Variants in KLHL1 observed in about 807,000 individuals in gnomAD.
The protein encoded by KLHL1 is kelch-like protein 1.
A neutral mutation model predicts 77.7 loss-of-function variants in KLHL1; 47 were observed. The ratio of observed to expected loss-of-function variants is 0.60; its 90% CI spans 0.48 to 0.77. The LOEUF is 0.77. KLHL1 is among the 30% of genes least tolerant of loss of function. The probability of loss-of-function intolerance (pLI) is 0.00; values close to 1 mark genes in which losing one functional copy is unlikely to be tolerated. For missense variants in KLHL1, 925 were observed against 910.8 expected, an observed-to-expected ratio of 1.02 and a Z score of -0.20; for synonymous variants, 360 against 325.2, an observed-to-expected ratio of 1.11 and a Z score of -1.15.
intron 9 of KLHL1, among the ~76,000 whole-genome samples, chr13:69,712,261 T>A (rs1277032163): frequency 1.6e-4 from 1 of 6,420 alleles, no homozygotes. Flanking sequence ...TCACACCTCA[T>A]TTTTTTTTTT....
At chr13:69,922,234 G>A (rs1013112238) in intron 4 of KLHL1, among the ~76,000 whole-genome samples, 8 of 151,990 alleles carry the variant, frequency 5.3e-5, no homozygotes, top group African/African-American at 1.7e-4. Flanking sequence ...TGTGTGAACC[G>A]TCACACTGGC....
At chr13:70,068,232 T>G (rs981190360) in intron 1 of KLHL1, among the ~76,000 whole-genome samples, 13 of 151,888 alleles carry the variant, frequency 8.6e-5, no homozygotes, top group African/African-American at 3.1e-4. Context: ...TCCCAGCTAC[T>G]CGGGAGGCTG....
intron 7 of KLHL1, among the ~76,000 whole-genome samples, chr13:69,792,242 C>A (rs1403918658): frequency 6.6e-6 from 1 of 151,672 alleles, no homozygotes; most frequent in East Asian, 1.9e-4. Flanking sequence ...GAAAAATAAC[C>A]CCAAGACAAG....
chr13:69,916,784 G>T (rs1422035446), intron 4 of KLHL1, among the ~76,000 whole-genome samples: 1 of 151,442 alleles, frequency 6.6e-6, no homozygotes, highest in Non-Finnish European at 1.5e-5. Context: ...ATAGTAAATG[G>T]CTATATTTAC....
chr13:70,022,505 T>C (rs1352349708), intron 1 of KLHL1, among the ~76,000 whole-genome samples: 2 of 151,912 alleles, frequency 1.3e-5, no homozygotes, highest in Non-Finnish European at 2.9e-5. Flanking sequence ...GAAAAAATTA[T>C]ATATACTTAA....
chr13:69,861,774 C>T lies in KLHL1; in HGVS notation c.1227+20509G>A, dbSNP rs531555402. ...ATCAGCCTGACCAACATGGAGAAACCCCGTCTCTACTAAAAAAAAAAAAAA... is the reference window on the plus strand; with the variant it reads ...ATCAGCCTGACCAACATGGAGAAACTCCGTCTCTACTAAAAAAAAAAAAAA... On this transcript the variant is annotated intron_variant, in intron 5 of 10. Transcript: ENST00000377844. Among the ~76,000 whole-genome samples, 25 of 136,480 alleles carry T rather than the reference C, an allele frequency of 1.8e-4. No homozygotes were observed. The East Asian group carries it at 5.1e-3, about 28-fold the overall frequency. 89.5% of individuals were successfully genotyped at this position (136,480 alleles called of 152,430 possible).
chr13:69,869,563 C>T (rs1277410027), intron 5 of KLHL1, among the ~76,000 whole-genome samples: 1 of 152,084 alleles, frequency 6.6e-6, no homozygotes, highest in Non-Finnish European at 1.5e-5. Context: ...TGGGTGACCT[C>T]TAGGTCTCCT....
chr13:70,106,969 T>C (rs948535827), intron 1 of KLHL1, among the ~76,000 whole-genome samples: 1 of 152,216 alleles, frequency 6.6e-6, no homozygotes, highest in Non-Finnish European at 1.5e-5. Context: ...GTAAGTTCAA[T>C]TGGTGGCTAC....
At chr13:69,843,148 C>T (rs1235049066) in intron 5 of KLHL1, among the ~76,000 whole-genome samples, 2 of 151,498 alleles carry the variant, frequency 1.3e-5, no homozygotes, top group Non-Finnish European at 3.0e-5. Flanking sequence ...GTGACTATAC[C>T]TAACAAAAAT....
chr13:70,063,533 C>A (rs1593713853), intron 1 of KLHL1, among the ~76,000 whole-genome samples: 1 of 152,008 alleles, frequency 6.6e-6, no homozygotes, highest in African/African-American at 2.4e-5. Context: ...TATAATCTAA[C>A]ACACATGATG....
At chr13:69,800,900 G>A (rs1322334744) in intron 6 of KLHL1, among the ~76,000 whole-genome samples, 1 of 152,050 alleles carries the variant, frequency 6.6e-6, no homozygotes, top group Non-Finnish European at 1.5e-5. Context: ...CTGCTGCAGT[G>A]CTATGTAATA....
At position 70,041,409 on chromosome 13, in the gene KLHL1, C is replaced by T. The variant is rs139558732; in HGVS notation, c.498-65607G>A. 5.5e-3 allele frequency among the ~76,000 whole-genome samples: 840 copies of T among 152,162 alleles called. 8 individuals carry two copies. The highest frequency in any genetic ancestry group is 0.018 in the African/African-American group (737 of 41,512). ...ATTGCTTTTTGGGTGAAGGTGGCAC[C>T]AACTTTTTATTTCCAGATTGGGCTT... On this transcript the variant is annotated intron_variant, in intron 1 of 10. Coordinates refer to ENST00000377844, the MANE Select transcript of KLHL1 (RefSeq NM_020866.3).
At chr13:69,781,672 G>GAAAT (rs1230114372) in intron 7 of KLHL1, among the ~76,000 whole-genome samples, 2 of 152,012 alleles carry the variant, frequency 1.3e-5, no homozygotes, top group South Asian at 2.1e-4. Flanking sequence ...ATGATATTCT[G>GAAAT]AAATAGGATA....
chr13:69,865,529 A>C (rs1205712126), intron 5 of KLHL1, among the ~76,000 whole-genome samples: 1 of 152,100 alleles, frequency 6.6e-6, no homozygotes, highest in East Asian at 1.9e-4. Flanking sequence ...AAATTTACTG[A>C]AGAGGGACGG....
chr13:70,016,533 C>G (rs2472277), intron 1 of KLHL1, among the ~76,000 whole-genome samples: 82,658 of 152,122 alleles, frequency 0.54, 22,729 homozygotes, highest in Non-Finnish European at 0.58. Flanking sequence ...GCTGTCACAA[C>G]CCTGCCAGGT....
intron 3 of KLHL1, among the ~76,000 whole-genome samples, chr13:69,958,263 G>GT (rs1883954352): frequency 6.7e-6 from 1 of 148,926 alleles, no homozygotes; most frequent in South Asian, 2.1e-4. Context: ...TAATAATAAT[G>GT]TAAGTCTACA....
intron 6 of KLHL1, among the ~76,000 whole-genome samples, chr13:69,817,596 T>C (rs1878171389): frequency 6.6e-6 from 1 of 152,160 alleles, no homozygotes; most frequent in African/African-American, 2.4e-5. Flanking sequence ...GTAATTTAAT[T>C]TTGCCCTAGG....
intron 8 of KLHL1, among the ~76,000 whole-genome samples, chr13:69,730,855 CAG>C (rs1315952525): frequency 6.6e-6 from 1 of 152,138 alleles, no homozygotes; most frequent in Non-Finnish European, 1.5e-5. Context: ...GTTGGAATGA[CAG>C]GGGTGAGCCA....
chr13:69,828,192 C>G (rs147307929), intron 6 of KLHL1, among the ~76,000 whole-genome samples: 8 of 149,392 alleles, frequency 5.4e-5, no homozygotes, highest in Non-Finnish European at 8.9e-5. Context: ...ACTCCATGAA[C>G]AGCTAGAAAA....
Sources: gnomAD v4.1 joint callset for allele counts (sites outside exome capture counted in the v4.1 genomes callset) on GRCh38, gnomAD v4.1.1 for gene constraint, MANE v1.5 for transcripts, NCBI Gene and HGNC (gene_info 2026-07-23, HGNC 2026-07-21) for gene names.